TYW1B: variants seen among roughly 807,000 people sequenced by gnomAD.
TYW1B encodes S-adenosyl-L-methionine-dependent tRNA 4-demethylwyosine synthase TYW1B.
In TYW1B, 73 loss-of-function variants were observed where a neutral mutation model predicts 86.9. The observed-to-expected ratio is 0.84, with a 90% CI of 0.70 to 1.02. TYW1B has a LOEUF of 1.02. Ranked by LOEUF, TYW1B falls within the 50% of genes least tolerant of loss-of-function variation. The probability of loss-of-function intolerance (pLI) is 0.00; values close to 1 mark genes in which losing one functional copy is unlikely to be tolerated. For missense variants in TYW1B, 637 were observed against 827.4 expected, an observed-to-expected ratio of 0.77 and a Z score of 2.82; for synonymous variants, 248 against 292.8, an observed-to-expected ratio of 0.85 and a Z score of 1.56.
At chr7:72,621,059 T>G (rs1166486048) in intron 12 of TYW1B, among the ~76,000 whole-genome samples, 8 of 152,190 alleles carry the variant, frequency 5.3e-5, no homozygotes, top group Non-Finnish European at 1.2e-4. Flanking sequence ...ATCTGAGCGT[T>G]CAAACCTCAT....
chr7:72,624,957 G>A (rs1389633617), intron 12 of TYW1B, among the ~76,000 whole-genome samples: 2 of 151,900 alleles, frequency 1.3e-5, no homozygotes, highest in African/African-American at 2.4e-5. Context: ...TATTTGGGTG[G>A]CGGAGGCATG....
At chr7:72,667,294 C>T (rs2129569606) in intron 11 of TYW1B, among the ~76,000 whole-genome samples, 1 of 152,206 alleles carries the variant, frequency 6.6e-6, no homozygotes, top group African/African-American at 2.4e-5. Flanking sequence ...CTGGATTTTT[C>T]CTGCACATGT....
intron 3 of TYW1B, among the ~76,000 whole-genome samples, chr7:72,810,951 C>T (rs1788599336): frequency 6.6e-6 from 1 of 151,956 alleles, no homozygotes; most frequent in Non-Finnish European, 1.5e-5. Flanking sequence ...TGATTTGCCA[C>T]AGTGGAAACA....
At chr7:72,636,143 A>T (rs1300760825) in intron 11 of TYW1B, among the ~76,000 whole-genome samples, 1 of 152,238 alleles carries the variant, frequency 6.6e-6, no homozygotes, top group Admixed American at 6.5e-5. Flanking sequence ...TATAAAGGTC[A>T]AAAACATATT....
intron 7 of TYW1B, among the ~76,000 whole-genome samples, chr7:72,751,157 C>T (rs1376613951): frequency 2.0e-5 from 3 of 152,040 alleles, no homozygotes; most frequent in Admixed American, 6.6e-5. Flanking sequence ...CCTACCTCAG[C>T]CTCCCAAGTA....
intron 11 of TYW1B, among the ~76,000 whole-genome samples, chr7:72,654,474 G>C (rs573049043): frequency 6.6e-6 from 1 of 152,220 alleles, no homozygotes; most frequent in Non-Finnish European, 1.5e-5. Context: ...GCCTAAGGAA[G>C]TAAGTCCATT....
intron 11 of TYW1B, among the ~76,000 whole-genome samples, chr7:72,689,056 T>G (rs187246134): frequency 6.6e-6 from 1 of 152,122 alleles, no homozygotes; most frequent in Non-Finnish European, 1.5e-5. Flanking sequence ...TGCCTGTGGA[T>G]AGGGGTCCCA....
At chr7:72,636,224 TTTTAACTAATA>T (rs1483722266) in intron 11 of TYW1B, among the ~76,000 whole-genome samples, 15 of 152,226 alleles carry the variant, frequency 9.9e-5, no homozygotes, top group African/African-American at 3.6e-4. Context: ...ATTTTTCCTC[TTTTAACTAATA>T]TTTAACTGAT....
At chr7:72,694,428 A>T (rs1563061411) in intron 11 of TYW1B, among the ~76,000 whole-genome samples, 1 of 152,208 alleles carries the variant, frequency 6.6e-6, no homozygotes, top group Non-Finnish European at 1.5e-5. Context: ...CTCTCCTTAA[A>T]TGAATGAAAG....
intron 13 of TYW1B, among the ~76,000 whole-genome samples, chr7:72,611,670 G>T (rs1811936483): frequency 6.6e-6 from 1 of 151,992 alleles, no homozygotes; most frequent in African/African-American, 2.4e-5. Flanking sequence ...ACAAATACAG[G>T]GACCATTGTT....
intron 9 of TYW1B, among the ~76,000 whole-genome samples, chr7:72,726,771 A>G (rs1381150858): frequency 8.5e-5 from 13 of 152,172 alleles, no homozygotes; most frequent in Non-Finnish European, 7.3e-5. Flanking sequence ...CCATTTTCAT[A>G]CTGCTATAAA....
intron 11 of TYW1B, among the ~76,000 whole-genome samples, chr7:72,676,612 AC>A (rs757121816): frequency 5.3e-5 from 8 of 152,132 alleles, no homozygotes; most frequent in Non-Finnish European, 1.2e-4. Context: ...TGCTTTATTT[AC>A]AGAGAAACCC....
At chr7:72,729,192 C>T (rs1269483555) in intron 8 of TYW1B, among the ~76,000 whole-genome samples, 2 of 152,178 alleles carry the variant, frequency 1.3e-5, no homozygotes, top group Non-Finnish European at 1.5e-5. Context: ...GTTGACAGAA[C>T]ACTCTCTGCT....
intron 10 of TYW1B, among the ~76,000 whole-genome samples, chr7:72,712,041 T>C (rs565125248): frequency 1.3e-5 from 2 of 152,152 alleles, no homozygotes; most frequent in South Asian, 4.2e-4. Context: ...TGTTACAGCA[T>C]GTGCCTAGTC....
intron 7 of TYW1B, among the ~76,000 whole-genome samples, chr7:72,763,363 A>G (rs112937637): frequency 6.8e-6 from 1 of 147,022 alleles, no homozygotes; most frequent in Non-Finnish European, 1.5e-5. Flanking sequence ...GCTCACTGCA[A>G]CCTCCGCCTC....
rs371685133 is a variant in TYW1B, at chr7:72,801,065, A to G, written c.846+1335T>C. Among the ~76,000 whole-genome samples the G allele has an allele frequency of 1.8e-4, 28 of 152,252 alleles. No homozygotes were observed. In the East Asian group the frequency reaches 4.6e-3, roughly 25 times the overall value. The stretch of plus-strand genomic sequence containing the variant: ...GTAGGTAGGCCAGGTGTGGTAACTC[A>G]TGTGTGTAATCCCAGCACCACAGGA... On this transcript the variant is annotated intron_variant, in intron 6 of 13. Coordinates refer to ENST00000620995, the MANE Select transcript of TYW1B (RefSeq NM_001145440.3).
At chr7:72,615,264 T>C (rs545956255) in intron 13 of TYW1B, among the ~76,000 whole-genome samples, 1 of 152,372 alleles carries the variant, frequency 6.6e-6, no homozygotes, top group South Asian at 2.1e-4. Flanking sequence ...TAAAATTAAA[T>C]TGTCCTGTTT....
At chr7:72,672,642 A>G (rs782425126) in intron 11 of TYW1B, among the ~76,000 whole-genome samples, 3 of 152,188 alleles carry the variant, frequency 2.0e-5, no homozygotes, top group Non-Finnish European at 4.4e-5. Context: ...AGAGAAGGCC[A>G]ACTTTTCATA....
intron 13 of TYW1B, among the ~76,000 whole-genome samples, chr7:72,579,059 T>C (rs1252999575): frequency 2.0e-5 from 3 of 152,188 alleles, no homozygotes; most frequent in Non-Finnish European, 2.9e-5. Context: ...TAATTTTTTT[T>C]TTTTTAACCA....
Sources: gnomAD v4.1 joint callset for allele counts (sites outside exome capture counted in the v4.1 genomes callset) on GRCh38, gnomAD v4.1.1 for gene constraint, MANE v1.5 for transcripts, NCBI Gene and HGNC (gene_info 2026-07-23, HGNC 2026-07-21) for gene names.